Variants in EYS observed in about 807,000 individuals in gnomAD.
EYS encodes the protein EGF-like photoreceptor maintenance factor, also known as protein eyes shut homolog.
In EYS, 250 loss-of-function variants were observed where a neutral mutation model predicts 282.1. The ratio of observed to expected loss-of-function variants is 0.89; its 90% CI spans 0.80 to 0.98. The LOEUF (loss-of-function observed/expected upper bound fraction) is 0.98, where lower values mean the gene tolerates loss of function less well. EYS is among the 50% of genes least tolerant of loss of function. EYS has a pLI of 0.00. For missense variants in EYS, 4,016 were observed against 3,709.0 expected (o/e 1.08, Z -2.15); for synonymous variants, 1,355 against 1,282.9 (o/e 1.06, Z -1.20).
rs73741251 is a variant in EYS at position 65,189,628 on chromosome 6, C to T, written c.2023+106235G>A. Among the ~76,000 whole-genome samples the T allele has an allele frequency of 4.1e-3, 617 of 151,802 alleles. 8 individuals are homozygous for T. The highest frequency in any genetic ancestry group is 0.013 in the African/African-American group (550 of 41,480). ...TTACGTTAAAGAAGGTTTACAATGA[C>T]AGCAGCGTATACTAGAAATGATGGA... On this transcript the variant is annotated intron_variant, in intron 12 of 42. Coordinates refer to ENST00000503581, the MANE Select transcript of EYS (RefSeq NM_001142800.2).
intron 5 of EYS, among the ~76,000 whole-genome samples, chr6:65,451,899 C>T (rs1339277098): frequency 1.3e-5 from 2 of 151,690 alleles, no homozygotes; most frequent in Non-Finnish European, 3.0e-5. Flanking sequence ...TAATGAACAA[C>T]TGTTATTTGA....
chr6:65,418,123 T>A (rs1314243188), intron 5 of EYS, among the ~76,000 whole-genome samples: 1 of 152,074 alleles, frequency 6.6e-6, no homozygotes, highest in East Asian at 1.9e-4. Context: ...TATCCTGTTG[T>A]GCAATTTTAG....
At chr6:63,999,585 G>A (rs765291855) in intron 33 of EYS, among the ~76,000 whole-genome samples, 60 of 152,192 alleles carry the variant, frequency 3.9e-4, no homozygotes, top group Non-Finnish European at 7.1e-4. Flanking sequence ...TCCCTAGGTA[G>A]AATTTCCCCT....
At chr6:65,291,355 A>T (rs1768519631) in intron 12 of EYS, among the ~76,000 whole-genome samples, 1 of 151,590 alleles carries the variant, frequency 6.6e-6, no homozygotes, top group Admixed American at 6.6e-5. Flanking sequence ...GTTGAAGTGT[A>T]AATGAGGACA....
intron 12 of EYS, among the ~76,000 whole-genome samples, chr6:65,069,915 A>T (rs1773856926): frequency 1.3e-5 from 2 of 151,754 alleles, no homozygotes; most frequent in African/African-American, 4.8e-5. Flanking sequence ...TTGATTTCTA[A>T]TCCTGTTTTT....
chr6:64,577,783 T>C (rs1246785817), intron 26 of EYS, among the ~76,000 whole-genome samples: 1 of 152,144 alleles, frequency 6.6e-6, no homozygotes, highest in African/African-American at 2.4e-5. Flanking sequence ...AGAGTTTCGC[T>C]TTATAATAGA....
intron 12 of EYS, among the ~76,000 whole-genome samples, chr6:65,176,346 G>C (rs1765224614): frequency 6.6e-6 from 1 of 151,542 alleles, no homozygotes; most frequent in South Asian, 2.1e-4. Flanking sequence ...AAGCAATGTA[G>C]AAGTCAGGAA....
rs1407743806 is a variant in EYS, at chr6:64,886,792, T to A, written c.2897A>T (p.Asp966Val). ...PEYHGPFCEL[D>V]VNKCKISPCL... ...AGGTGAGATTTTACATTTATTTACA[T>A]CAAGTTCACAGAAGGGCCCATGGTA... Residue 966 changes from aspartate (D) to valine (V), a missense_variant, in exon 19 of 43, where the codon GAT becomes GTT. Physicochemically the swap from Asp to Val is radical, Grantham distance 152. Coordinates refer to ENST00000503581, the MANE Select transcript of EYS (RefSeq NM_001142800.2). 21 of 1,546,724 alleles carry A rather than the reference T, an allele frequency of 1.4e-5. No homozygotes were observed. Among genetic ancestry groups the A allele is most frequent in the Non-Finnish European group, 1.7e-5 (19 of 1,144,234 alleles).
Position 63,727,727 on chromosome 6 carries a change from A to AT in EYS, c.8072-1048_8072-1047insA, listed in dbSNP as rs1253035778. On this transcript the variant is annotated intron_variant, in intron 41 of 42. Coordinates refer to ENST00000503581, the MANE Select transcript of EYS (RefSeq NM_001142800.2). ...CTCTCAAAAAAAAAAAAAAAAAAAA[A>AT]AAAAAAAAAAATATATATATATATG... Among the ~76,000 whole-genome samples, 11 of 61,672 alleles carry AT rather than the reference A, an allele frequency of 1.8e-4. 1 individual carries two copies. The highest frequency in any genetic ancestry group is 1.4e-3 in the African/African-American group (11 of 7,868). 40.5% of individuals were successfully genotyped at this position (61,672 alleles called of 152,430 possible). A position where few individuals can be genotyped will look rare whatever the true frequency, so the allele number is the denominator to read the frequency against.
At chr6:64,366,898 T>C (rs547926816) in intron 29 of EYS, among the ~76,000 whole-genome samples, 1 of 152,046 alleles carries the variant, frequency 6.6e-6, no homozygotes, top group Non-Finnish European at 1.5e-5. Flanking sequence ...TATGACAAAG[T>C]TTAGAAGGAA....
At chr6:65,172,777 T>C (rs1765135407) in intron 12 of EYS, among the ~76,000 whole-genome samples, 1 of 151,308 alleles carries the variant, frequency 6.6e-6, no homozygotes, top group Non-Finnish European at 1.5e-5. Context: ...TCTATATTAA[T>C]ATCACGTCAA....
At chr6:64,334,883 T>C (rs1489458920) in intron 29 of EYS, among the ~76,000 whole-genome samples, 1 of 152,058 alleles carries the variant, frequency 6.6e-6, no homozygotes, top group Non-Finnish European at 1.5e-5. Flanking sequence ...GGAGGATGGT[T>C]TTCATGGTTT....
intron 2 of EYS, among the ~76,000 whole-genome samples, chr6:65,521,955 T>C (rs1038401273): frequency 5.3e-5 from 8 of 152,200 alleles, no homozygotes; most frequent in Non-Finnish European, 1.2e-4. Flanking sequence ...AATTCATTTT[T>C]GCTCATAAAT....
intron 2 of EYS, among the ~76,000 whole-genome samples, chr6:65,584,223 T>A (rs908380634): frequency 3.3e-5 from 5 of 152,074 alleles, no homozygotes; most frequent in Admixed American, 3.3e-4. Context: ...TCAACAGTTC[T>A]TTGCTGGATG....
intron 12 of EYS, among the ~76,000 whole-genome samples, chr6:65,274,237 A>G (rs1030844438): frequency 2.6e-5 from 4 of 152,200 alleles, no homozygotes; most frequent in African/African-American, 4.8e-5. Context: ...AACCAAAAGC[A>G]ATATAGTATT....
intron 12 of EYS, among the ~76,000 whole-genome samples, chr6:65,177,338 T>C (rs917121862): frequency 6.6e-6 from 1 of 151,862 alleles, no homozygotes; most frequent in Non-Finnish European, 1.5e-5. Context: ...ATTTGAGGAA[T>C]AGTTCATGGC....
At position 64,184,787 on chromosome 6, in the gene EYS, A is replaced by C. The variant is rs147432376; in HGVS notation, c.6424+45805T>G. ...TGATTTCATAAATCTGATTAAAAAG[A>C]ATAAGAATTTTATTTTTTGTTTTTA... On this transcript the variant is annotated intron_variant, in intron 31 of 42. Coordinates refer to ENST00000503581, the MANE Select transcript of EYS (RefSeq NM_001142800.2). Among the ~76,000 whole-genome samples the C allele has an allele frequency of 1.2e-3, 180 of 152,336 alleles. 3 individuals carry two copies. The East Asian group carries it at 0.033, about 28-fold the overall frequency.
At chr6:65,143,642 G>T (rs1764405038) in intron 12 of EYS, among the ~76,000 whole-genome samples, 1 of 151,976 alleles carries the variant, frequency 6.6e-6, no homozygotes, top group South Asian at 2.1e-4. Flanking sequence ...TCAATTTACG[G>T]TTTTGTTATC....
chr6:64,226,422 A>G (rs913860822), intron 31 of EYS, among the ~76,000 whole-genome samples: 9 of 152,112 alleles, frequency 5.9e-5, no homozygotes, highest in African/African-American at 1.9e-4. Flanking sequence ...TTTACTATTT[A>G]TAAAACTGTT....
Sources: gnomAD v4.1 joint callset for allele counts (sites outside exome capture counted in the v4.1 genomes callset) on GRCh38, gnomAD v4.1.1 for gene constraint, MANE v1.5 for transcripts, NCBI Gene and HGNC (gene_info 2026-07-23, HGNC 2026-07-21) for gene names.